The following WDR45B variants were observed in gnomAD, a reference collection of about 807,000 sequenced individuals.
The protein encoded by WDR45B is WD repeat domain 45B, also known as WD repeat domain phosphoinositide-interacting protein 3.
WDR45B carries 20 observed loss-of-function variants against 44.6 expected under a neutral mutation model. The observed-to-expected ratio is 0.45, with a 90% CI of 0.32 to 0.65. WDR45B has a LOEUF of 0.65. WDR45B is among the 30% of genes least tolerant of loss of function. The pLI, the probability that WDR45B is intolerant of heterozygous loss-of-function variation, is 0.05. For synonymous variants in WDR45B, 169 were observed against 164.9 expected (o/e 1.02, Z -0.19); for missense variants, 323 against 430.2 (o/e 0.75, Z 2.20).
intron 8 of WDR45B, among the ~76,000 whole-genome samples, 196 bp from the exon 9 acceptor site, chr17:82,616,841 G>A (rs1016781075): frequency 3.3e-5 from 5 of 151,114 alleles, no homozygotes; most frequent in South Asian, 2.1e-4. Context: ...TTTTTGAGAC[G>A]GAGTCTCGCT....
At chr17:82,624,840 A>C (rs774870835) in intron 5 of WDR45B, among the ~76,000 whole-genome samples, 7 of 126,292 alleles carry the variant, frequency 5.5e-5, no homozygotes, top group African/African-American at 2.1e-4. Flanking sequence ...GGATGGTCTT[A>C]ATCTCCTGAC....
rs757710637 is a variant in WDR45B at position 82,619,278 on chromosome 17, G to A, written c.619-150C>T. 35 of 777,660 alleles carry A rather than the reference G, an allele frequency of 4.5e-5. No individual in the cohort carries two copies. In the Middle Eastern group the frequency reaches 5.8e-3, roughly 130 times the overall value. The allele number at this position is 777,660 out of a possible 1,614,324, so 48.2% of individuals were successfully genotyped here. A position where few individuals can be genotyped will look rare whatever the true frequency, so the allele number is the denominator to read the frequency against. ...TACTACTTAACTTTCTCCTCCAACTGCCAGCACACAGTTGTGCCCCTGAGA... is the reference window on the plus strand; with the variant it reads ...TACTACTTAACTTTCTCCTCCAACTACCAGCACACAGTTGTGCCCCTGAGA... On this transcript the variant is annotated intron_variant, in intron 6 of 9. Transcript: ENST00000392325.
chr17:82,647,927 C>A (rs546275860), intron 1 of WDR45B, among the ~76,000 whole-genome samples: 1 of 150,536 alleles, frequency 6.6e-6, no homozygotes, highest in East Asian at 2.0e-4. Context: ...GTGGGCGTGG[C>A]GCGCGGGGAG....
chr17:82,619,772 T>C (rs890257990), intron 6 of WDR45B, among the ~76,000 whole-genome samples: 1 of 152,086 alleles, frequency 6.6e-6, no homozygotes, highest in African/African-American at 2.4e-5. Flanking sequence ...TTTATATCCT[T>C]CAACCCAGCA....
intron 2 of WDR45B, chr17:82,636,597 G>C (rs2045835853): frequency 6.6e-6 from 1 of 152,002 alleles, no homozygotes; most frequent in African/African-American, 2.4e-5. Flanking sequence ...GATCCCAAGG[G>C]CTGGTACTGA....
chr17:82,631,277 ATTTTTTTTTTT>A (rs386386786), intron 2 of WDR45B, among the ~76,000 whole-genome samples: 14 of 86,846 alleles, frequency 1.6e-4, no homozygotes, highest in African/African-American at 5.7e-4. Flanking sequence ...TACAGGACTC[ATTTTTTTTTTT>A]TTTTTTTTTT....
intron 1 of WDR45B, among the ~76,000 whole-genome samples, chr17:82,646,420 G>A (rs1442676412): frequency 3.4e-5 from 5 of 145,852 alleles, no homozygotes. Flanking sequence ...CTGAGAGGCG[G>A]AGTTTGCAGT....
At chr17:82,630,803 C>A (rs1442868800) in intron 3 of WDR45B, 118 bp downstream of exon 3, 2 of 1,030,852 alleles carry the variant, frequency 1.9e-6, no homozygotes, top group South Asian at 1.3e-5. Context: ...AGTGACCAGT[C>A]CTGGATATTT....
Position 82,630,025 on chromosome 17 carries a change from G to A in WDR45B, c.244+896C>T, listed in dbSNP as rs1344537968. On this transcript the variant is annotated intron_variant, in intron 3 of 9. Coordinates refer to ENST00000392325, the MANE Select transcript of WDR45B (RefSeq NM_019613.4). ...CACTCAGTCATCCTCTGAGACCACC[G>A]GTGGCCTTCAATGTCACCAGAACCA... 2.4e-5 allele frequency: 23 copies of A among 942,794 alleles called. No individual in the cohort carries two copies. The South Asian group carries it at 5.6e-4, about 23-fold the overall frequency. 58.4% of individuals were successfully genotyped at this position (942,794 alleles called of 1,614,324 possible).
intron 2 of WDR45B, among the ~76,000 whole-genome samples, chr17:82,640,814 G>T (rs1351769240): frequency 4.6e-5 from 7 of 152,178 alleles, no homozygotes; most frequent in Admixed American, 1.3e-4. Context: ...ACATGCACAT[G>T]TGAGAACTCA....
chr17:82,632,915 T>C (rs537634436), intron 2 of WDR45B, among the ~76,000 whole-genome samples: 1 of 152,210 alleles, frequency 6.6e-6, no homozygotes, highest in Admixed American at 6.5e-5. Context: ...ACGCCTGTAA[T>C]CTCAGCACTT....
At chr17:82,647,896 G>A (rs958434193) in intron 1 of WDR45B, among the ~76,000 whole-genome samples, 4 of 151,676 alleles carry the variant, frequency 2.6e-5, no homozygotes, top group Non-Finnish European at 5.9e-5. Flanking sequence ...CGTGGAGCCC[G>A]CAGGGAGCCA....
At chr17:82,617,621 TC>T (rs11323179) in intron 7 of WDR45B, 7,931 of 571,010 alleles carry the variant, frequency 0.014, 444 homozygotes, top group African/African-American at 0.13. Context: ...CGGCAAGTTT[TC>T]CTTGGGTGCC....
intron 2 of WDR45B, among the ~76,000 whole-genome samples, chr17:82,639,183 T>C (rs974325545): frequency 1.3e-4 from 20 of 152,002 alleles, no homozygotes; most frequent in African/African-American, 4.9e-4. Flanking sequence ...TGCTATTCTC[T>C]ACTTTCTTTT....
intron 1 of WDR45B, among the ~76,000 whole-genome samples, chr17:82,644,992 C>T (rs1163793852): frequency 6.6e-6 from 1 of 152,134 alleles, no homozygotes; most frequent in African/African-American, 2.4e-5. Flanking sequence ...GAAACCTACC[C>T]TCCACTAAAA....
At chr17:82,634,647 G>C (rs900867421) in intron 2 of WDR45B, among the ~76,000 whole-genome samples, 3 of 151,996 alleles carry the variant, frequency 2.0e-5, no homozygotes, top group African/African-American at 7.3e-5. Context: ...AAGGACCCGA[G>C]TGTCCACAGA....
intron 1 of WDR45B, chr17:82,644,363 A>G (rs1839575281): frequency 2.6e-5 from 10 of 377,662 alleles, no homozygotes; most frequent in South Asian, 2.3e-4. Flanking sequence ...CAAGCAGGCA[A>G]TCCCGCCCAC....
At chr17:82,645,421 G>A (rs967411245) in intron 1 of WDR45B, among the ~76,000 whole-genome samples, 7 of 152,074 alleles carry the variant, frequency 4.6e-5, no homozygotes, top group South Asian at 2.1e-4. Context: ...GTCACAAGAG[G>A]ATATCCAAGT....
At chr17:82,645,179 T>A (rs2045960439) in intron 1 of WDR45B, among the ~76,000 whole-genome samples, 1 of 151,570 alleles carries the variant, frequency 6.6e-6, no homozygotes, top group Admixed American at 6.6e-5. Flanking sequence ...GCGCCTGTAA[T>A]CCCAGCTACT....
Sources: allele counts gnomAD v4.1 joint callset (sites outside exome capture counted in the v4.1 genomes callset), GRCh38; gene constraint gnomAD v4.1.1; transcripts MANE v1.5; gene names NCBI Gene and HGNC (gene_info 2026-07-23, HGNC 2026-07-21).